The following GLIS3 variants were observed in gnomAD, a reference collection of about 807,000 sequenced individuals.
GLIS3 encodes GLIS family zinc finger 3.
GLIS3 carries 53 observed loss-of-function variants against 78.6 expected under a neutral mutation model. That is an observed-to-expected ratio of 0.67 (90% CI 0.54 to 0.85). GLIS3 has a LOEUF of 0.85. GLIS3 is among the 40% of genes least tolerant of loss of function. The probability of loss-of-function intolerance (pLI) is 0.00; values close to 1 mark genes in which losing one functional copy is unlikely to be tolerated. For synonymous variants in GLIS3, 684 were observed against 509.9 expected, an observed-to-expected ratio of 1.34 and a Z score of -4.60; for missense variants, 1,703 against 1,231.1, an observed-to-expected ratio of 1.38 and a Z score of -5.74.
chr9:4,479,603 AC>A, the GLIS3 span, among the ~76,000 whole-genome samples: 18,223 of 151,966 alleles, frequency 0.12, 1,162 homozygotes, highest in Admixed American at 0.16. Flanking sequence ...TCAAGTCAGC[AC>A]CCCTGCCTCC....
rs1005124636 is a variant in GLIS3, at chr9:4,045,045, T to C, written c.1710+72723A>G. Among the ~76,000 whole-genome samples the C allele has an allele frequency of 9.8e-5, 15 of 152,296 alleles. No individual in the cohort carries two copies. In the East Asian group the frequency reaches 1.4e-3, roughly 14 times the overall value. On this transcript the variant is annotated intron_variant, in intron 4 of 10. Coordinates refer to ENST00000381971, the MANE Select transcript of GLIS3 (RefSeq NM_001042413.2). Reference sequence around the variant, plus strand: ...AACAGAGCAGAGTCTGTTTTTAGCATAGGACTAGGGTGGAAGTCACTCAAC... The same window carrying C: ...AACAGAGCAGAGTCTGTTTTTAGCACAGGACTAGGGTGGAAGTCACTCAAC...
At chr9:4,055,362 G>C (rs918358500) in intron 4 of GLIS3, among the ~76,000 whole-genome samples, 26 of 152,136 alleles carry the variant, frequency 1.7e-4, no homozygotes, top group African/African-American at 6.3e-4. Context: ...CCCTGTTCCT[G>C]ATCCTATTTT....
At chr9:4,061,001 T>C (rs188340623) in intron 4 of GLIS3, among the ~76,000 whole-genome samples, 4 of 152,234 alleles carry the variant, frequency 2.6e-5, no homozygotes, top group Non-Finnish European at 4.4e-5. Context: ...ATGCTTCCAA[T>C]ACCCCGTTCT....
chr9:4,384,342 GAA>G, the GLIS3 span, among the ~76,000 whole-genome samples: 8 of 149,926 alleles, frequency 5.3e-5, no homozygotes, highest in African/African-American at 7.4e-5. Context: ...ACCTTCACTG[GAA>G]AAAAAAAAAC....
At chr9:4,395,377 TAC>T in the GLIS3 span, among the ~76,000 whole-genome samples, 1 of 152,206 alleles carries the variant, frequency 6.6e-6, no homozygotes, top group African/African-American at 2.4e-5. Flanking sequence ...TCTCATTTAT[TAC>T]AGTGTTTTAG....
intron 6 of GLIS3, among the ~76,000 whole-genome samples, chr9:3,920,238 C>T (rs1422215514): frequency 2.0e-5 from 3 of 152,168 alleles, no homozygotes; most frequent in East Asian, 1.9e-4. Flanking sequence ...CTCCTGACCT[C>T]GTGATCCACC....
chr9:4,403,106 A>G, the GLIS3 span, among the ~76,000 whole-genome samples: 1 of 152,230 alleles, frequency 6.6e-6, no homozygotes, highest in Non-Finnish European at 1.5e-5. Context: ...ATGGAAGTCC[A>G]ACATGTCTGG....
intron 4 of GLIS3, among the ~76,000 whole-genome samples, chr9:3,942,703 ACT>A (rs375916200): frequency 1.2e-3 from 188 of 152,178 alleles, no homozygotes; most frequent in Middle Eastern, 6.8e-3. Flanking sequence ...TAAAACACAG[ACT>A]CTGCCTCAGC....
intron 6 of GLIS3, among the ~76,000 whole-genome samples, chr9:3,914,960 A>G (rs1381839982): frequency 6.6e-6 from 1 of 152,028 alleles, no homozygotes; most frequent in Admixed American, 6.5e-5. Context: ...AATTACTGTC[A>G]GTAATTTCCC....
the GLIS3 span, among the ~76,000 whole-genome samples, chr9:4,460,213 G>A: frequency 5.9e-5 from 9 of 152,130 alleles, no homozygotes; most frequent in Non-Finnish European, 1.3e-4. Context: ...AAATATAAAT[G>A]TGGATGGAGA....
At position 4,058,146 on chromosome 9, in the gene GLIS3, G is replaced by A. The variant is rs527644097; in HGVS notation, c.1710+59622C>T. ...CACAAGACTTGTTTCTAGAGAAAAG[G>A]AAAAGGAAGTAAATCCAGGATTTAG... On this transcript the variant is annotated intron_variant, in intron 4 of 10. Transcript: ENST00000381971. Among the ~76,000 whole-genome samples, 4 of 152,156 alleles carry A rather than the reference G, an allele frequency of 2.6e-5. No homozygotes were observed. In the East Asian group the frequency reaches 5.8e-4, roughly 22 times the overall value.
chr9:4,465,172 T>A, the GLIS3 span, among the ~76,000 whole-genome samples: 1 of 152,234 alleles, frequency 6.6e-6, no homozygotes, highest in Admixed American at 6.5e-5. Context: ...TCAGCACATT[T>A]TTCAGTTCAT....
chr9:4,140,055 T>C (rs1358143961), intron 2 of GLIS3, among the ~76,000 whole-genome samples: 1 of 152,198 alleles, frequency 6.6e-6, no homozygotes, highest in Non-Finnish European at 1.5e-5. Flanking sequence ...TCTTAGCCTG[T>C]AAAAGGCATA....
chr9:4,357,561 C>G, the GLIS3 span, among the ~76,000 whole-genome samples: 7 of 147,666 alleles, frequency 4.7e-5, no homozygotes, highest in Non-Finnish European at 7.5e-5. Context: ...GAACTAATTC[C>G]TGTGTGTGTG....
At chr9:4,124,478 T>C (rs1832418163) in intron 3 of GLIS3, among the ~76,000 whole-genome samples, 1 of 152,152 alleles carries the variant, frequency 6.6e-6, no homozygotes. Flanking sequence ...GCTGAAGGCT[T>C]CCCAATGACA....
At chr9:4,420,977 A>G in the GLIS3 span, among the ~76,000 whole-genome samples, 1 of 152,206 alleles carries the variant, frequency 6.6e-6, no homozygotes, top group South Asian at 2.1e-4. Context: ...AAGCATTCCA[A>G]AATTTTAAAA....
intron 7 of GLIS3, among the ~76,000 whole-genome samples, chr9:3,890,418 A>AAAGAC (rs758504011): frequency 4.3e-4 from 66 of 152,278 alleles, no homozygotes; most frequent in Non-Finnish European, 7.9e-4. Context: ...ACCCAGCATA[A>AAAGAC]AAGACATGGA....
chr9:4,102,289 G>C (rs893103703), intron 4 of GLIS3, among the ~76,000 whole-genome samples: 2 of 152,196 alleles, frequency 1.3e-5, no homozygotes, highest in African/African-American at 4.8e-5. Flanking sequence ...AGAAGCTAAA[G>C]AGGTCATGGT....
intron 7 of GLIS3, among the ~76,000 whole-genome samples, chr9:3,896,419 C>A (rs1260617839): frequency 2.0e-5 from 3 of 151,992 alleles, no homozygotes; most frequent in Admixed American, 1.3e-4. Flanking sequence ...AATCCCAGCA[C>A]TTTTGGAGGC....
Sources: allele counts gnomAD v4.1 joint callset (sites outside exome capture counted in the v4.1 genomes callset), GRCh38; gene constraint gnomAD v4.1.1; transcripts MANE v1.5; gene names NCBI Gene and HGNC (gene_info 2026-07-23, HGNC 2026-07-21).